The following RPH3AL variants were observed in gnomAD, a reference collection of about 807,000 sequenced individuals.
RPH3AL encodes the protein rab effector Noc2.
A neutral mutation model predicts 43.1 loss-of-function variants in RPH3AL; 38 were observed. The observed-to-expected ratio is 0.88, with a 90% confidence interval of 0.68 to 1.15. RPH3AL has a LOEUF of 1.15. RPH3AL is among the 50% of genes most tolerant of loss of function. The probability of loss-of-function intolerance (pLI) is 0.00; values close to 1 mark genes in which losing one functional copy is unlikely to be tolerated. For missense variants in RPH3AL, 462 were observed against 423.2 expected (o/e 1.09, Z -0.81); for synonymous variants, 189 against 176.3 (o/e 1.07, Z -0.57).
chr17:305,657 A>C lies in RPH3AL; in HGVS notation c.351+13763T>G, dbSNP rs553552672. Among the ~76,000 whole-genome samples, 4 of 152,190 alleles carry C rather than the reference A, an allele frequency of 2.6e-5. No individual in the cohort carries two copies. The South Asian group carries it at 6.2e-4, about 24-fold the overall frequency. On this transcript the variant is annotated intron_variant, in intron 5 of 9. Transcript: ENST00000331302. The stretch of plus-strand genomic sequence containing the variant: ...CCACACAGACATTCAGGCAGGTTCG[A>C]GGGAAGAAGACAGCTTCCCGGCCAC...
chr17:340,482 A>ATGGG (rs2045087593), intron 1 of RPH3AL, among the ~76,000 whole-genome samples: 1 of 2,868 alleles, frequency 3.5e-4, no homozygotes, highest in East Asian at 9.6e-3. Flanking sequence ...ACTGCCCCCC[A>ATGGG]CCCAGGCCTC....
At chr17:316,532 C>G (rs112947867) in intron 5 of RPH3AL, among the ~76,000 whole-genome samples, 1 of 133,878 alleles carries the variant, frequency 7.5e-6, no homozygotes, top group Admixed American at 7.5e-5. Flanking sequence ...ACCTGTAGTC[C>G]CTGTGACTCC....
At chr17:272,962 CA>C (rs2042521136) in intron 6 of RPH3AL, among the ~76,000 whole-genome samples, 1 of 42,902 alleles carries the variant, frequency 2.3e-5, no homozygotes, top group African/African-American at 6.2e-5. Context: ...AGGGCTACGT[CA>C]GGGTGAGACC....
intron 6 of RPH3AL, among the ~76,000 whole-genome samples, chr17:263,715 G>A (rs1334128119): frequency 3.9e-4 from 59 of 152,210 alleles, no homozygotes; most frequent in Admixed American, 3.8e-3. Flanking sequence ...GGTAGCTCAG[G>A]AAAGGAAAGG....
At chr17:280,486 A>T (rs2042752400) in intron 6 of RPH3AL, among the ~76,000 whole-genome samples, 1 of 152,188 alleles carries the variant, frequency 6.6e-6, no homozygotes, top group South Asian at 2.1e-4. Context: ...CAAACCCAGG[A>T]TGCCTGGCTC....
chr17:309,000 A>G (rs2043568568), intron 5 of RPH3AL, among the ~76,000 whole-genome samples: 1 of 152,214 alleles, frequency 6.6e-6, no homozygotes, highest in Non-Finnish European at 1.5e-5. Context: ...GCTGCTGGGA[A>G]TAAAGCAGTG....
At chr17:316,885 G>A (rs113579631) in intron 5 of RPH3AL, among the ~76,000 whole-genome samples, 3,956 of 144,294 alleles carry the variant, frequency 0.027, no homozygotes, top group East Asian at 0.07. Context: ...CACCTCCATT[G>A]ACCTGTAGTC....
At chr17:335,468 G>A (rs968195428) in intron 1 of RPH3AL, among the ~76,000 whole-genome samples, 19 of 152,076 alleles carry the variant, frequency 1.2e-4, no homozygotes, top group African/African-American at 4.1e-4. Context: ...TGAAATGCAC[G>A]GCCCGGCCAA....
chr17:227,706 C>G (rs555325786), intron 7 of RPH3AL, among the ~76,000 whole-genome samples: 2 of 152,302 alleles, frequency 1.3e-5, no homozygotes, highest in African/African-American at 4.8e-5. Flanking sequence ...TGCCGCCCGG[C>G]ACAAGGACAG....
At chr17:233,108 G>T (rs2041269949) in intron 7 of RPH3AL, among the ~76,000 whole-genome samples, 1 of 151,686 alleles carries the variant, frequency 6.6e-6, no homozygotes, top group African/African-American at 2.4e-5. Flanking sequence ...GGTCTGACGG[G>T]ATTTCGTTTG....
At position 215,083 on chromosome 17, in the gene RPH3AL, G is replaced by A. The variant is rs1488140847; in HGVS notation, c.876+571C>T. Among the ~76,000 whole-genome samples, 1 of 152,224 alleles carries A rather than the reference G, an allele frequency of 6.6e-6. No homozygotes were observed. The highest frequency in any genetic ancestry group is 6.5e-5 in the Admixed American group (1 of 15,286). On this transcript the variant is annotated intron_variant, in intron 9 of 9. Coordinates refer to ENST00000331302, the MANE Select transcript of RPH3AL (RefSeq NM_006987.4). The surrounding 1 kb of genome is among the most constrained non-coding windows in gnomAD (Gnocchi z 4.1). ...TCAGCTGCTGCCCTGGTGCATGCGT[G>A]TACCCATGAATCCTCTGGCCAGGGA...
intron 7 of RPH3AL, among the ~76,000 whole-genome samples, chr17:229,479 T>C (rs1462481629): frequency 1.3e-5 from 2 of 152,180 alleles, no homozygotes; most frequent in East Asian, 3.9e-4. Flanking sequence ...CCAGACCCCA[T>C]CTGTCACCTC....
intron 7 of RPH3AL, among the ~76,000 whole-genome samples, chr17:223,065 G>T (rs966910719): frequency 6.6e-6 from 1 of 152,104 alleles, no homozygotes; most frequent in South Asian, 2.1e-4. Context: ...TGATGGGCAC[G>T]TGTACTCCCA....
At chr17:343,931 C>T (rs73286637) in intron 1 of RPH3AL, among the ~76,000 whole-genome samples, 2 of 123,978 alleles carry the variant, frequency 1.6e-5, no homozygotes, top group Non-Finnish European at 3.7e-5. Context: ...CTCATCATCA[C>T]CATCATCATC....
rs1192964459 is a variant in RPH3AL at position 235,989 on chromosome 17, C to CG, written c.613+11121_613+11122insC. 5.1e-3 allele frequency among the ~76,000 whole-genome samples: 763 copies of CG among 150,976 alleles called. 47 individuals carry two copies. Among genetic ancestry groups the CG allele is most frequent in the African/African-American group, 0.018 (729 of 40,800 alleles). On this transcript the variant is annotated intron_variant, in intron 7 of 9. Coordinates refer to ENST00000331302, the MANE Select transcript of RPH3AL (RefSeq NM_006987.4). Reference sequence around the variant, plus strand: ...GGGGTCGGCCAAGGCTCTACACTAACAAGACGGGTCCATGGGTCAAAGCTG... The same window carrying CG: ...GGGGTCGGCCAAGGCTCTACACTAACGAAGACGGGTCCATGGGTCAAAGCTG...
chr17:227,494 C>T (rs117366533), intron 7 of RPH3AL, among the ~76,000 whole-genome samples: 6,045 of 152,302 alleles, frequency 0.04, 182 homozygotes, highest in Middle Eastern at 0.082. Flanking sequence ...GGCCCTGCTT[C>T]CAGGCTCTGC....
rs1429997501 is a variant in RPH3AL, at chr17:215,824, C to A, written c.728-22G>T. On this transcript the variant is annotated intron_variant, in intron 8 of 9. Coordinates refer to ENST00000331302, the MANE Select transcript of RPH3AL (RefSeq NM_006987.4). This position sits in a 1 kb window ranked among gnomAD's most constrained non-coding sequence, Gnocchi z 4.1. ...CCACCTGTGGGAAATCACGTGTGGG[C>A]CCCGTGGATCTCAAACCGAGACGGG... is the stretch of plus-strand genomic sequence containing the variant. The A allele has an allele frequency of 7.7e-7, 1 of 1,299,474 alleles. No homozygotes were observed. The highest frequency in any genetic ancestry group is 9.8e-7 in the Non-Finnish European group (1 of 1,020,512). The allele number at this position is 1,299,474 out of a possible 1,614,324, so 80.5% of individuals were successfully genotyped here. A position where few individuals can be genotyped will look rare whatever the true frequency, so the allele number is the denominator to read the frequency against.
chr17:213,949 C>A, intron 9 of RPH3AL, 26 bp from the exon 10 acceptor site: 1 of 1,589,706 alleles, frequency 6.3e-7, no homozygotes, highest in Non-Finnish European at 8.6e-7. Flanking sequence ...AAGGCCACCA[C>A]ATGGTGAGCA....
rs577175600 is a variant in RPH3AL at position 328,649 on chromosome 17, G to A, written c.-36-1070C>T. 3.3e-5 allele frequency among the ~76,000 whole-genome samples: 5 copies of A among 152,204 alleles called. No individual in the cohort carries two copies. The highest frequency in any genetic ancestry group is 3.9e-4 in the East Asian group (2 of 5,190). On this transcript the variant is annotated intron_variant, in intron 2 of 9. Transcript: ENST00000331302. This position sits in a 1 kb window ranked among gnomAD's most constrained non-coding sequence, Gnocchi z 4.2. ...CATGACCGCCAAAAGCAGAAACAACGAAAATATCCATCAACTGATGAATGA... is the reference window on the plus strand; with the variant it reads ...CATGACCGCCAAAAGCAGAAACAACAAAAATATCCATCAACTGATGAATGA...
Sources: allele counts gnomAD v4.1 joint callset (sites outside exome capture counted in the v4.1 genomes callset), GRCh38; gene constraint gnomAD v4.1.1; non-coding constraint Gnocchi (gnomAD v3.1); transcripts MANE v1.5; gene names NCBI Gene and HGNC (gene_info 2026-07-23, HGNC 2026-07-21).